The following ZFP30 variants were observed in gnomAD, a reference collection of about 807,000 sequenced individuals.
ZFP30 encodes the protein zinc finger protein 30 homolog.
A neutral mutation model predicts 12.3 loss-of-function variants in ZFP30; 16 were observed. The ratio of observed to expected loss-of-function variants is 1.30; its 90% confidence interval spans 0.88 to 1.98. The LOEUF (loss-of-function observed/expected upper bound fraction) is 1.98. Among genes scored for constraint, ZFP30 ranks in the 30% most tolerant of loss-of-function variants. ZFP30 has a pLI of 0.00. For synonymous variants in ZFP30, 172 were observed against 201.0 expected, an observed-to-expected ratio of 0.86 and a Z score of 1.22; for missense variants, 560 against 611.2, an observed-to-expected ratio of 0.92 and a Z score of 0.88.
intron 3 of ZFP30, among the ~76,000 whole-genome samples, chr19:37,646,021 G>A (rs996270879): frequency 7.9e-5 from 12 of 151,954 alleles, no homozygotes; most frequent in African/African-American, 2.7e-4. Flanking sequence ...AATATAAAAT[G>A]GAAAAATTCC....
At chr19:37,649,849 A>G (rs1274496964) in intron 2 of ZFP30, among the ~76,000 whole-genome samples, 1 of 152,084 alleles carries the variant, frequency 6.6e-6, no homozygotes, top group Non-Finnish European at 1.5e-5. Flanking sequence ...AAAAGAAAAA[A>G]AAAAGAAAAA....
At chr19:37,647,544 G>C (rs1229841043) in intron 3 of ZFP30, among the ~76,000 whole-genome samples, 1 of 152,166 alleles carries the variant, frequency 6.6e-6, no homozygotes, top group African/African-American at 2.4e-5. Context: ...ATGTGGAACT[G>C]TGAGTCCATT....
rs1252636489 is a variant in ZFP30, at chr19:37,631,516, C to G, written c.*3465G>C. The stretch of plus-strand genomic sequence containing the variant: ...CATCATGGCTTCCCAATTATAACAG[C>G]AAATACAGTTCATAATGGATGACCA... On this transcript the variant is annotated 3_prime_UTR_variant, in exon 6 of 6. Transcript: ENST00000684514. The G allele has an allele frequency of 6.6e-6, 1 of 151,978 alleles. No homozygotes were observed. The allele number at this position is 151,978 out of a possible 1,614,324, so 9.4% of individuals were successfully genotyped here. A position where few individuals can be genotyped will look rare whatever the true frequency, so the allele number is the denominator to read the frequency against.
At position 37,636,010 on chromosome 19, in the gene ZFP30, T is replaced by C. The variant is rs1212240052; in HGVS notation, c.531A>G (p.Gln177=). The C allele has an allele frequency of 1.2e-6, 2 of 1,613,986 alleles. No homozygotes were observed. Among genetic ancestry groups the C allele is most frequent in the Admixed American group, 1.7e-5 (1 of 60,016 alleles). The change falls in exon 6 of 6, where the codon CAA becomes CAG. Residue 177 remains glutamine, a synonymous_variant. Coordinates refer to ENST00000684514, the MANE Select transcript of ZFP30 (RefSeq NM_001320669.3). ...FRVRQQLTFH[Q]RIHTGEKPYE... ...AGGGTTTCTCACCAGTATGAATTCT[T>C]TGATGGAAAGTAAGTTGTTGTCGTA...
At chr19:37,652,385 A>G (rs2044668956) in intron 2 of ZFP30, among the ~76,000 whole-genome samples, 1 of 151,932 alleles carries the variant, frequency 6.6e-6, no homozygotes, top group Non-Finnish European at 1.5e-5. Flanking sequence ...TGGTCAACAT[A>G]GTGAAACCCT....
chr19:37,646,180 C>T (rs2044540170), intron 3 of ZFP30, among the ~76,000 whole-genome samples: 4 of 152,136 alleles, frequency 2.6e-5, no homozygotes, highest in Admixed American at 2.0e-4. Context: ...CAGATCAAAA[C>T]AACATCATAA....
chr19:37,649,824 A>G (rs1474995680), intron 2 of ZFP30, among the ~76,000 whole-genome samples: 1 of 123,058 alleles, frequency 8.1e-6, no homozygotes, highest in Non-Finnish European at 1.7e-5. Flanking sequence ...ACCCCGTCTT[A>G]AAAAAAAAAG....
rs1166096695 is a variant in ZFP30 at position 37,654,895 on chromosome 19, G to A, written c.-245-16C>T. Reference sequence around the variant, plus strand: ...TAACCGCCACCTGCATGCACAAATGGAAACGACAGGGCAGAGGGTCAGCAG... The same window carrying A: ...TAACCGCCACCTGCATGCACAAATGAAAACGACAGGGCAGAGGGTCAGCAG... On this transcript the variant is annotated splice_polypyrimidine_tract_variant and intron_variant, in intron 1 of 5. Coordinates refer to ENST00000684514, the MANE Select transcript of ZFP30 (RefSeq NM_001320669.3). The A allele has an allele frequency of 6.6e-6, 1 of 152,286 alleles. No homozygotes were observed. The highest frequency in any genetic ancestry group is 1.5e-5 in the Non-Finnish European group (1 of 68,198). 9.4% of individuals were successfully genotyped at this position (152,286 alleles called of 1,614,324 possible).
Position 37,636,029 on chromosome 19 carries a change from T to G in ZFP30, c.512A>C (p.Gln171Pro). 2 of 1,614,040 alleles carry G rather than the reference T, an allele frequency of 1.2e-6. No homozygotes were observed. Among genetic ancestry groups the G allele is most frequent in the Non-Finnish European group, 1.7e-6 (2 of 1,179,990 alleles). Residue 171 changes from glutamine to proline, a missense_variant, in exon 6 of 6, where the codon CAA becomes CCA. By Grantham distance (76) the Gln-to-Pro change is moderately conservative (BLOSUM62 -1). Transcript: ENST00000684514. ...GECGKAFRVR[Q>P]QLTFHQRIHT... ...AATTCTTTGATGGAAAGTAAGTTGT[T>G]GTCGTACTCTAAAAGCCTTCCCACA...
At chr19:37,652,919 A>G (rs2044680659) in intron 2 of ZFP30, among the ~76,000 whole-genome samples, 1 of 152,032 alleles carries the variant, frequency 6.6e-6, no homozygotes. Context: ...GGAGTTCAAG[A>G]CCAGCCTGAC....
chr19:37,633,695 A>G lies in ZFP30; in HGVS notation c.*1286T>C, dbSNP rs1477508464. Reference sequence around the variant, plus strand: ...TTCATTTTAAACTGGCTATAATTTCATGGATAATTTGATCTTTAAAAGAAC... The same window carrying G: ...TTCATTTTAAACTGGCTATAATTTCGTGGATAATTTGATCTTTAAAAGAAC... On this transcript the variant is annotated 3_prime_UTR_variant, in exon 6 of 6. Coordinates refer to ENST00000684514, the MANE Select transcript of ZFP30 (RefSeq NM_001320669.3). The G allele has an allele frequency of 7.2e-5, 11 of 152,190 alleles. No homozygotes were observed. The highest frequency in any genetic ancestry group is 7.2e-4 in the Admixed American group (11 of 15,266). The allele number at this position is 152,190 out of a possible 1,614,324, so 9.4% of individuals were successfully genotyped here.
intron 2 of ZFP30, among the ~76,000 whole-genome samples, chr19:37,653,260 T>TA (rs1198920254): frequency 4.6e-5 from 7 of 152,138 alleles, no homozygotes; most frequent in African/African-American, 1.4e-4. Flanking sequence ...GACCCTGAAA[T>TA]AGTTCTGTGA....
Position 37,631,260 on chromosome 19 carries a change from G to T in ZFP30, c.*3721C>A, listed in dbSNP as rs1429128469. Reference sequence around the variant, plus strand: ...TAAGAGTGAAAGTTACAGGGTAAAAGGTGCTTCAGATACATTAAGTTAAAT... The same window carrying T: ...TAAGAGTGAAAGTTACAGGGTAAAATGTGCTTCAGATACATTAAGTTAAAT... On this transcript the variant is annotated 3_prime_UTR_variant, in exon 6 of 6. Transcript: ENST00000684514. 1 of 152,094 alleles carries T rather than the reference G, an allele frequency of 6.6e-6. No individual in the cohort carries two copies. Among genetic ancestry groups the T allele is most frequent in the African/African-American group, 2.4e-5 (1 of 41,430 alleles). 9.4% of individuals were successfully genotyped at this position (152,094 alleles called of 1,614,324 possible).
At chr19:37,641,529 C>T (rs186521635) in intron 5 of ZFP30, among the ~76,000 whole-genome samples, 167 of 152,276 alleles carry the variant, frequency 1.1e-3, no homozygotes, top group African/African-American at 3.6e-3. Context: ...AGCATTAACC[C>T]CATGCCCAAT....
chr19:37,640,243 C>T (rs1396231578), intron 5 of ZFP30, among the ~76,000 whole-genome samples: 1 of 152,024 alleles, frequency 6.6e-6, no homozygotes, highest in Admixed American at 6.6e-5. Context: ...GCCTATGTTT[C>T]ATAAGTACTT....
At position 37,636,132 on chromosome 19, in the gene ZFP30, G is replaced by A; in HGVS notation, c.409C>T (p.Pro137Ser). ...QVTKTTSEKM[P>S]TYRKLTSLPL... Reference sequence around the variant, plus strand: ...AGAGATGTGAGTTTTCTGTAAGTAGGCATTTTTTCAGAGGTGGTTTTTGTC... The same window carrying A: ...AGAGATGTGAGTTTTCTGTAAGTAGACATTTTTTCAGAGGTGGTTTTTGTC... Residue 137 changes from proline (P) to serine (S), a missense_variant, in exon 6 of 6, where the codon CCT (proline) becomes TCT (serine). Coordinates refer to ENST00000684514, the MANE Select transcript of ZFP30 (RefSeq NM_001320669.3). The A allele has an allele frequency of 1.9e-6, 3 of 1,614,112 alleles. No individual in the cohort carries two copies. The highest frequency in any genetic ancestry group is 1.3e-5 in the African/African-American group (1 of 75,022).
intron 5 of ZFP30, among the ~76,000 whole-genome samples, chr19:37,637,451 AGT>A (rs1221213250): frequency 4.6e-5 from 7 of 150,706 alleles, no homozygotes; most frequent in Non-Finnish European, 1.0e-4. Context: ...GGCCTCCCAA[AGT>A]GTCAGAATTA....
rs760678981 is a variant in ZFP30, at chr19:37,643,349, A to G, written c.151T>C (p.Ser51Pro). 1.3e-6 allele frequency: 2 copies of G among 1,589,576 alleles called. No homozygotes were observed. The highest frequency in any genetic ancestry group is 1.7e-6 in the Non-Finnish European group (2 of 1,168,850). ...NLVSLAGCSI[S>P]KPDVITLLEQ... is the part of the protein sequence containing the mutation. ...AATAGGGTGATCACATCTGGCTTAG[A>G]AATAGAACATCCTGCTTAAAAATAA... is the stretch of plus-strand genomic sequence containing the variant. The change falls in exon 5 of 6, where the codon TCT (serine) becomes CCT (proline). Residue 51 changes from serine (S) to proline (P), a missense_variant. Ser to Pro is a moderately conservative substitution (Grantham distance 74). Coordinates refer to ENST00000684514, the MANE Select transcript of ZFP30 (RefSeq NM_001320669.3).
rs1328269456 is a variant in ZFP30 at position 37,654,726 on chromosome 19, T to C, written c.-92A>G. The C allele has an allele frequency of 6.6e-6, 1 of 152,360 alleles. No homozygotes were observed. Among genetic ancestry groups the C allele is most frequent in the African/African-American group, 2.4e-5 (1 of 41,448 alleles). 9.4% of individuals were successfully genotyped at this position (152,360 alleles called of 1,614,324 possible). A position where few individuals can be genotyped will look rare whatever the true frequency, so the allele number is the denominator to read the frequency against. On this transcript the variant is annotated 5_prime_UTR_variant, in exon 2 of 6. Coordinates refer to ENST00000684514, the MANE Select transcript of ZFP30 (RefSeq NM_001320669.3). ...CACGAACTCACAGGGAACCGGCTTT[T>C]AGAAGAGCAGCAGCGATTCGTTTCT...
Sources: allele counts gnomAD v4.1 joint callset (sites outside exome capture counted in the v4.1 genomes callset), GRCh38; gene constraint gnomAD v4.1.1; transcripts MANE v1.5; gene names NCBI Gene and HGNC (gene_info 2026-07-23, HGNC 2026-07-21).